Variants in ENOX2 observed in about 807,000 individuals in gnomAD.
ENOX2 encodes ecto-NOX disulfide-thiol exchanger 2.
A neutral mutation model predicts 45.0 loss-of-function variants in ENOX2; 36 were observed. The ratio of observed to expected loss-of-function variants is 0.80; its 90% CI spans 0.61 to 1.06. The LOEUF (loss-of-function observed/expected upper bound fraction) is 1.06, where lower values mean the gene tolerates loss of function less well. Ranked by LOEUF, ENOX2 falls within the 50% of genes least tolerant of loss-of-function variation. The probability of loss-of-function intolerance (pLI) is 0.00; values close to 1 mark genes in which losing one functional copy is unlikely to be tolerated. For synonymous variants in ENOX2, 174 were observed against 152.3 expected (o/e 1.14, Z -1.05); for missense variants, 423 against 462.5 (o/e 0.91, Z 0.78).
At chrX:130,792,558 G>A (rs1364221834) in intron 2 of ENOX2, among the ~76,000 whole-genome samples, 1 of 112,111 alleles carries the variant, frequency 8.9e-6, no homozygotes, top group Non-Finnish European at 1.9e-5. Flanking sequence ...ACTTTGGGAG[G>A]CCGAGGTGGG....
At chrX:130,885,619 T>C (rs1298439937) in intron 2 of ENOX2, among the ~76,000 whole-genome samples, 1 of 112,079 alleles carries the variant, frequency 8.9e-6, no homozygotes, top group African/African-American at 3.2e-5. Context: ...GATTTGAAAT[T>C]ATTCATTAGG....
intron 12 of ENOX2, among the ~76,000 whole-genome samples, chrX:130,633,131 G>C (rs1171878308): frequency 1.8e-5 from 2 of 111,832 alleles, no homozygotes; most frequent in Non-Finnish European, 3.8e-5. Flanking sequence ...AATTTTACTA[G>C]CAGATTTAAA....
At chrX:130,775,738 T>A (rs1454939384) in intron 3 of ENOX2, among the ~76,000 whole-genome samples, 1 of 111,542 alleles carries the variant, frequency 9.0e-6, no homozygotes, top group Non-Finnish European at 1.9e-5. Context: ...CAACATAATT[T>A]TATCTATAAT....
intron 4 of ENOX2, among the ~76,000 whole-genome samples, chrX:130,700,410 G>A (rs909693812): frequency 4.7e-4 from 53 of 111,935 alleles, no homozygotes; most frequent in African/African-American, 1.7e-3. Context: ...TTACATACAG[G>A]TCAAAGAGAA....
At chrX:130,774,984 G>C (rs751688400) in intron 3 of ENOX2, among the ~76,000 whole-genome samples, 1 of 112,311 alleles carries the variant, frequency 8.9e-6, no homozygotes, top group South Asian at 3.7e-4. Context: ...GTCCCCACTT[G>C]TTGCCATTCT....
At chrX:130,837,624 T>C (rs1209355384) in intron 2 of ENOX2, among the ~76,000 whole-genome samples, 2 of 111,556 alleles carry the variant, frequency 1.8e-5, no homozygotes, top group African/African-American at 3.3e-5. Context: ...TTTTCCCCTA[T>C]ATGCTAGGCG....
At position 130,808,822 on chromosome X, in the gene ENOX2, T is replaced by C. The variant is rs184544864; in HGVS notation, c.-182-25132A>G. Among the ~76,000 whole-genome samples, 5 of 112,213 alleles carry C rather than the reference T, an allele frequency of 4.5e-5. No homozygotes were observed. The Admixed American group carries it at 4.7e-4, about 11-fold the overall frequency. ...AGCACTTTCAGTCTCTATCATCTTA[T>C]TGAGCTATGAAATGTATAGATGTTC... On this transcript the variant is annotated intron_variant, in intron 2 of 14. Coordinates refer to ENST00000394363, the MANE Select transcript of ENOX2 (RefSeq NM_006375.4).
intron 3 of ENOX2, among the ~76,000 whole-genome samples, chrX:130,759,323 T>C (rs1054695307): frequency 1.6e-4 from 18 of 110,717 alleles, no homozygotes; most frequent in Non-Finnish European, 2.8e-4. Context: ...CACTGAATTG[T>C]TTTTGCACAT....
At chrX:130,745,298 C>A (rs1297352309) in intron 3 of ENOX2, among the ~76,000 whole-genome samples, 1 of 112,161 alleles carries the variant, frequency 8.9e-6, no homozygotes, top group Non-Finnish European at 1.9e-5. Flanking sequence ...TCAGTACCCT[C>A]CTCTTTTCTT....
chrX:130,685,071 T>A (rs1218985239), intron 5 of ENOX2, among the ~76,000 whole-genome samples: 2 of 112,286 alleles, frequency 1.8e-5, no homozygotes, highest in Non-Finnish European at 3.8e-5. Context: ...GAAAGTGACA[T>A]TTGAGCAAAG....
At chrX:130,855,518 C>T (rs1280050980) in intron 2 of ENOX2, among the ~76,000 whole-genome samples, 1 of 111,464 alleles carries the variant, frequency 9.0e-6, no homozygotes, top group Non-Finnish European at 1.9e-5. Context: ...CTCAAAATGA[C>T]GTATTGGTTA....
intron 2 of ENOX2, among the ~76,000 whole-genome samples, chrX:130,809,311 G>A (rs1467712530): frequency 1.8e-5 from 2 of 112,324 alleles, no homozygotes; most frequent in Non-Finnish European, 3.8e-5. Flanking sequence ...AAGTGTTAAT[G>A]CTGGCATATC....
intron 2 of ENOX2, among the ~76,000 whole-genome samples, chrX:130,835,304 G>C (rs188165538): frequency 1.8e-5 from 2 of 111,433 alleles, no homozygotes; most frequent in African/African-American, 6.5e-5. Context: ...AGTTTACAAA[G>C]TACTTTACAT....
Position 130,667,727 on chromosome X carries a change from G to C in ENOX2, c.710C>G (p.Ser237Ter). 8.4e-7 allele frequency: 1 copy of C among 1,192,778 alleles called. No individual in the cohort carries two copies. Among genetic ancestry groups the C allele is most frequent in the African/African-American group, 1.7e-5 (1 of 57,250 alleles). ...AEKLKDDSKFSEAVQTLLTWI... is the reference protein window; with the variant it reads ...AEKLKDDSKF Reference sequence around the variant, plus strand: ...GGTAAGCAAGGTCTGTACAGCTTCTGAGAATTTGGAATCATCTGAAAAAAA... The same window carrying C: ...GGTAAGCAAGGTCTGTACAGCTTCTCAGAATTTGGAATCATCTGAAAAAAA... The change falls in exon 8 of 15, where the codon TCA becomes TGA. Residue 237 changes from serine (S) to a stop codon, truncating the protein, a stop_gained. Coordinates refer to ENST00000394363, the MANE Select transcript of ENOX2 (RefSeq NM_006375.4). LOFTEE classifies it high-confidence loss of function.
intron 5 of ENOX2, among the ~76,000 whole-genome samples, chrX:130,680,042 C>T (rs2037261828): frequency 8.9e-6 from 1 of 112,214 alleles, no homozygotes; most frequent in Non-Finnish European, 1.9e-5. Flanking sequence ...GACAATCCAG[C>T]TATGCCAAAT....
intron 10 of ENOX2, among the ~76,000 whole-genome samples, chrX:130,647,488 T>C (rs2148059087): frequency 9.0e-6 from 1 of 111,674 alleles, no homozygotes; most frequent in African/African-American, 3.3e-5. Context: ...ATGTGTAGGT[T>C]GCTGGTGTGC....
intron 2 of ENOX2, among the ~76,000 whole-genome samples, chrX:130,887,266 T>C (rs1260161047): frequency 9.0e-6 from 1 of 111,648 alleles, no homozygotes; most frequent in African/African-American, 3.3e-5. Context: ...TGTTTCACGT[T>C]GTATCCTATC....
intron 3 of ENOX2, among the ~76,000 whole-genome samples, chrX:130,756,162 C>G (rs1216934936): frequency 1.8e-5 from 2 of 112,006 alleles, no homozygotes; most frequent in Non-Finnish European, 3.8e-5. Context: ...AGCATAAATT[C>G]AGGAATGACA....
At chrX:130,637,860 C>A (rs1260258822) in intron 10 of ENOX2, among the ~76,000 whole-genome samples, 1 of 111,038 alleles carries the variant, frequency 9.0e-6, no homozygotes, top group African/African-American at 3.3e-5. Flanking sequence ...CAGTTACACT[C>A]ATTTTATTTT....
Sources: allele counts gnomAD v4.1 joint callset (sites outside exome capture counted in the v4.1 genomes callset), GRCh38; gene constraint gnomAD v4.1.1; transcripts MANE v1.5; gene names NCBI Gene and HGNC (gene_info 2026-07-23, HGNC 2026-07-21).